The following ACTL8 variants were observed in gnomAD, a reference collection of about 807,000 sequenced individuals.
ACTL8 encodes actin-like protein 8.
ACTL8 carries 3 observed loss-of-function variants against 9.3 expected under a neutral mutation model. That is an observed-to-expected ratio of 0.32 (90% CI 0.15 to 0.83). ACTL8 has a LOEUF of 0.83. Among genes scored for constraint, ACTL8 ranks in the 40% least tolerant of loss-of-function variants. The pLI, the probability that ACTL8 is intolerant of heterozygous loss-of-function variation, is 0.57. For missense variants in ACTL8, 381 were observed against 492.2 expected, an observed-to-expected ratio of 0.77 and a Z score of 2.14; for synonymous variants, 224 against 205.9, an observed-to-expected ratio of 1.09 and a Z score of -0.75.
Position 17,768,000 on chromosome 1 carries a change from G to A in ACTL8, c.-25+12496G>A, listed in dbSNP as rs1012199764. 6.6e-6 allele frequency among the ~76,000 whole-genome samples: 1 copy of A among 152,096 alleles called. No individual in the cohort carries two copies. Among genetic ancestry groups the A allele is most frequent in the African/African-American group, 2.4e-5 (1 of 41,394 alleles). On this transcript the variant is annotated intron_variant, in intron 1 of 2. Coordinates refer to ENST00000375406, the MANE Select transcript of ACTL8 (RefSeq NM_030812.3). The surrounding 1 kb of genome is among the most constrained non-coding windows in gnomAD (Gnocchi z 4.7). ...CAGGGGTGAGCATATATGTGATGTG[G>A]GGTTTTAGAGAATCAGTCAGGGCTC...
At chr1:17,821,621 G>A (rs556913078) in intron 1 of ACTL8, among the ~76,000 whole-genome samples, 1 of 140,408 alleles carries the variant, frequency 7.1e-6, no homozygotes, top group East Asian at 2.4e-4. Flanking sequence ...ATCTATGTTT[G>A]TGACTATTCC....
intron 1 of ACTL8, among the ~76,000 whole-genome samples, chr1:17,790,674 G>A (rs1320043613): frequency 6.6e-6 from 1 of 152,174 alleles, no homozygotes. Context: ...GGTCCTCCCT[G>A]ATCTGAAGGT....
intron 1 of ACTL8, among the ~76,000 whole-genome samples, chr1:17,779,676 C>T (rs2066141063): frequency 6.6e-6 from 1 of 152,162 alleles, no homozygotes; most frequent in Non-Finnish European, 1.5e-5. Flanking sequence ...TCTATGGCTC[C>T]ACCCTCTCAA....
chr1:17,826,237 A>T lies in ACTL8; in HGVS notation c.819A>T (p.Pro273=). The T allele has an allele frequency of 6.2e-7, 1 of 1,613,362 alleles. No individual in the cohort carries two copies. Among genetic ancestry groups the T allele is most frequent in the South Asian group, 1.1e-5 (1 of 91,070 alleles). Residue 273 remains proline, a synonymous_variant, in exon 3 of 3, where the codon CCA becomes CCT. Coordinates refer to ENST00000375406, the MANE Select transcript of ACTL8 (RefSeq NM_030812.3). The surrounding 1 kb of genome is among the most constrained non-coding windows in gnomAD (Gnocchi z 4.5). ...QVFEQPGPSI[P]RAIVESVESC... Reference sequence around the variant, plus strand: ...TCGAGCAGCCGGGGCCCAGCATCCCACGGGCCATTGTGGAATCCGTGGAGT... The same window carrying T: ...TCGAGCAGCCGGGGCCCAGCATCCCTCGGGCCATTGTGGAATCCGTGGAGT...
At chr1:17,801,425 A>G (rs923002399) in intron 1 of ACTL8, among the ~76,000 whole-genome samples, 8 of 152,258 alleles carry the variant, frequency 5.3e-5, no homozygotes, top group African/African-American at 1.9e-4. Context: ...TAAAATCTAC[A>G]AGATACCAAG....
intron 1 of ACTL8, among the ~76,000 whole-genome samples, chr1:17,810,322 G>A (rs911892437): frequency 6.6e-6 from 1 of 151,958 alleles, no homozygotes; most frequent in Admixed American, 6.5e-5. Context: ...CTTTTCTATC[G>A]ACACATGCTG....
chr1:17,785,553 C>T (rs1017866640), intron 1 of ACTL8, among the ~76,000 whole-genome samples: 3 of 152,192 alleles, frequency 2.0e-5, no homozygotes, highest in African/African-American at 7.2e-5. Flanking sequence ...TGTACACTGC[C>T]TTGCTGGTCC....
intron 1 of ACTL8, among the ~76,000 whole-genome samples, chr1:17,764,273 G>C (rs978361886): frequency 1.3e-5 from 2 of 152,174 alleles, no homozygotes; most frequent in South Asian, 4.1e-4. Flanking sequence ...CCCTGCTGCA[G>C]ACAGTCATCC....
chr1:17,775,004 G>A (rs1470462807), intron 1 of ACTL8, among the ~76,000 whole-genome samples: 2 of 152,192 alleles, frequency 1.3e-5, no homozygotes, highest in Non-Finnish European at 2.9e-5. Context: ...TGAGGAGAGA[G>A]AGGCCTGGAG....
intron 2 of ACTL8, 54 bp from the exon 3 acceptor site, chr1:17,825,713 G>A: frequency 6.4e-7 from 1 of 1,570,974 alleles, no homozygotes; most frequent in Non-Finnish European, 8.6e-7. Flanking sequence ...CTTCAGCTTT[G>A]ACTGCTGAGC....
At chr1:17,808,409 G>A (rs1298886129) in intron 1 of ACTL8, among the ~76,000 whole-genome samples, 1 of 152,144 alleles carries the variant, frequency 6.6e-6, no homozygotes, top group African/African-American at 2.4e-5. Flanking sequence ...GTGTAGAGAG[G>A]TGCTTAACTT....
At position 17,826,653 on chromosome 1, in the gene ACTL8, G is replaced by C; in HGVS notation, c.*134G>C. The C allele has an allele frequency of 1.1e-6, 1 of 932,344 alleles. No individual in the cohort carries two copies. The highest frequency in any genetic ancestry group is 1.5e-6 in the Non-Finnish European group (1 of 659,372). 57.8% of individuals were successfully genotyped at this position (932,344 alleles called of 1,614,324 possible). On this transcript the variant is annotated 3_prime_UTR_variant, in exon 3 of 3. Coordinates refer to ENST00000375406, the MANE Select transcript of ACTL8 (RefSeq NM_030812.3). This position sits in a 1 kb window ranked among gnomAD's most constrained non-coding sequence, Gnocchi z 4.5. ...GGCTTTGGAATTCTAGGGGCATGAG[G>C]GTATTTTTTAGGTTCTAAGGTTTTA...
intron 1 of ACTL8, among the ~76,000 whole-genome samples, chr1:17,815,199 C>T (rs537131022): frequency 6.6e-6 from 1 of 152,228 alleles, no homozygotes; most frequent in Non-Finnish European, 1.5e-5. Flanking sequence ...AATGGCCATA[C>T]ATATTTTGGG....
At chr1:17,783,956 CCT>C (rs1258180008) in intron 1 of ACTL8, among the ~76,000 whole-genome samples, 1 of 152,216 alleles carries the variant, frequency 6.6e-6, no homozygotes, top group African/African-American at 2.4e-5. Flanking sequence ...TTCCATTCTG[CCT>C]CTCAAATTGC....
At chr1:17,777,987 C>T (rs906938973) in intron 1 of ACTL8, among the ~76,000 whole-genome samples, 1 of 152,200 alleles carries the variant, frequency 6.6e-6, no homozygotes, top group African/African-American at 2.4e-5. Context: ...CGTGAGCCAC[C>T]GTTCCTAGCC....
intron 1 of ACTL8, among the ~76,000 whole-genome samples, chr1:17,771,097 C>G (rs925462333): frequency 6.6e-6 from 1 of 152,166 alleles, no homozygotes; most frequent in African/African-American, 2.4e-5. Context: ...CTGTAAAAGA[C>G]CAGATTGTAA....
At chr1:17,764,176 C>G (rs1030104270) in intron 1 of ACTL8, among the ~76,000 whole-genome samples, 1 of 152,130 alleles carries the variant, frequency 6.6e-6, no homozygotes, top group Admixed American at 6.5e-5. Context: ...CAGTTCCCGG[C>G]TGACAGTGGG....
At chr1:17,775,605 A>G (rs1251910356) in intron 1 of ACTL8, among the ~76,000 whole-genome samples, 2 of 152,330 alleles carry the variant, frequency 1.3e-5, no homozygotes, top group Non-Finnish European at 1.5e-5. Context: ...TTTCCTGCCA[A>G]GGTCACCTGT....
chr1:17,814,111 C>T (rs568011792), intron 1 of ACTL8, among the ~76,000 whole-genome samples: 1 of 152,314 alleles, frequency 6.6e-6, no homozygotes, highest in South Asian at 2.1e-4. Flanking sequence ...CACCACATGA[C>T]ATTTTGATCA....
Sources: allele counts gnomAD v4.1 joint callset (sites outside exome capture counted in the v4.1 genomes callset), GRCh38; gene constraint gnomAD v4.1.1; non-coding constraint Gnocchi (gnomAD v3.1); transcripts MANE v1.5; gene names NCBI Gene and HGNC (gene_info 2026-07-23, HGNC 2026-07-21).